The following GRIK3 variants were observed in gnomAD, a reference collection of about 807,000 sequenced individuals.
The protein encoded by GRIK3 is glutamate ionotropic receptor kainate type subunit 3.
Under a neutral mutation model 102.5 loss-of-function variants are expected in GRIK3, and 29 were observed. That is an observed-to-expected ratio of 0.28 (90% CI 0.21 to 0.39). The LOEUF (loss-of-function observed/expected upper bound fraction) is 0.39. Among genes scored for constraint, GRIK3 ranks in the 10% least tolerant of loss-of-function variants. The pLI is 1.00. For synonymous variants in GRIK3, 511 were observed against 504.9 expected, an observed-to-expected ratio of 1.01 and a Z score of -0.16; for missense variants, 908 against 1,252.4, an observed-to-expected ratio of 0.73 and a Z score of 4.15.
In GRIK3 at chr1:36,880,136, A is replaced by C. The variant is rs1462035200; in HGVS notation, c.550+498T>G. 6.6e-6 allele frequency among the ~76,000 whole-genome samples: 1 copy of C among 152,226 alleles called. No individual in the cohort carries two copies. The highest frequency in any genetic ancestry group is 2.4e-5 in the African/African-American group (1 of 41,454). The stretch of plus-strand genomic sequence containing the variant: ...TACATTTTATAGGAAACTGAGGCAC[A>C]AAGAGGCTACTCAGCCAGCAGGTGA... On this transcript the variant is annotated intron_variant, in intron 3 of 15. Transcript: ENST00000373091. The surrounding 1 kb of genome is among the most constrained non-coding windows in gnomAD (Gnocchi z 5.4).
chr1:36,874,291 T>C (rs114027188), intron 3 of GRIK3, among the ~76,000 whole-genome samples: 18 of 152,322 alleles, frequency 1.2e-4, no homozygotes, highest in African/African-American at 4.1e-4. Flanking sequence ...TTGGTGTCCA[T>C]CATCTCACTT....
chr1:36,942,452 G>A (rs1641733963), intron 1 of GRIK3, among the ~76,000 whole-genome samples: 1 of 152,220 alleles, frequency 6.6e-6, no homozygotes, highest in Non-Finnish European at 1.5e-5. Context: ...TTTCAGTGAA[G>A]TGTGAATACT....
At chr1:36,985,305 C>T (rs72923864) in intron 1 of GRIK3, among the ~76,000 whole-genome samples, 6,627 of 152,206 alleles carry the variant, frequency 0.044, 439 homozygotes, top group African/African-American at 0.14. Context: ...CAGGGTGGTC[C>T]TGGGTGTCCC....
In GRIK3 at chr1:36,850,535, G is replaced by GATC. The variant is rs1570759508; in HGVS notation, c.1213-114_1213-112dup. The GATC allele has an allele frequency of 8.7e-6, 6 of 687,940 alleles. No homozygotes were observed. Among genetic ancestry groups the GATC allele is most frequent in the East Asian group, 2.6e-5 (1 of 38,188 alleles). 42.6% of individuals were successfully genotyped at this position (687,940 alleles called of 1,614,324 possible). The stretch of plus-strand genomic sequence containing the variant: ...CATTCATCATGAGCCTCATTGTCAT[G>GATC]ATCATCATCATCATCACCACTGCCA... On this transcript the variant is annotated intron_variant, in intron 8 of 15. Coordinates refer to ENST00000373091, the MANE Select transcript of GRIK3 (RefSeq NM_000831.4). This position sits in a 1 kb window ranked among gnomAD's most constrained non-coding sequence, Gnocchi z 4.0.
At chr1:36,820,815 G>T (rs1400417224) in intron 11 of GRIK3, among the ~76,000 whole-genome samples, 1 of 152,154 alleles carries the variant, frequency 6.6e-6, no homozygotes, top group East Asian at 1.9e-4. Context: ...ATATATGACA[G>T]GGAAAAAATG....
At position 36,859,974 on chromosome 1, in the gene GRIK3, A is replaced by G; in HGVS notation, c.830T>C (p.Val277Ala). The G allele has an allele frequency of 6.2e-7, 1 of 1,612,174 alleles. No homozygotes were observed. The highest frequency in any genetic ancestry group is 1.1e-5 in the South Asian group (1 of 90,824). The change falls in exon 6 of 16, where the codon GTG (valine) becomes GCG (alanine). Residue 277 changes from valine (V) to alanine (A), a missense_variant. By Grantham distance (64) the Val-to-Ala change is moderately conservative. Transcript: ENST00000373091. Reference protein sequence around the residue: ...LDLEPYRYSGVNLTGFRILNV... With the variant: ...LDLEPYRYSGANLTGFRILNV... ...GAGAATCCGGAATCCTGTCAGGTTC[A>G]CGCCTGAGTAGCGGTAGGGCTCCAG...
intron 1 of GRIK3, among the ~76,000 whole-genome samples, chr1:37,001,599 T>G (rs1254106113): frequency 6.6e-6 from 1 of 152,070 alleles, no homozygotes; most frequent in Non-Finnish European, 1.5e-5. Context: ...TAGACTGAGT[T>G]ACTGTCTTAA....
At chr1:36,896,539 T>C (rs1641175045) in intron 1 of GRIK3, among the ~76,000 whole-genome samples, 1 of 151,998 alleles carries the variant, frequency 6.6e-6, no homozygotes, top group Non-Finnish European at 1.5e-5. Flanking sequence ...GGAAATGAAA[T>C]GATAAAATAT....
At chr1:36,922,504 C>A (rs1641484866) in intron 1 of GRIK3, among the ~76,000 whole-genome samples, 1 of 152,208 alleles carries the variant, frequency 6.6e-6, no homozygotes, top group African/African-American at 2.4e-5. Flanking sequence ...TACTGGCTGC[C>A]ACCCTTCCCC....
intron 1 of GRIK3, among the ~76,000 whole-genome samples, chr1:36,990,764 G>A (rs554829740): frequency 1.1e-4 from 16 of 152,286 alleles, no homozygotes; most frequent in Non-Finnish European, 1.8e-4. Flanking sequence ...GTTGCAAATC[G>A]CTGAGCCCAG....
chr1:36,919,599 T>C (rs1022755924), intron 1 of GRIK3, among the ~76,000 whole-genome samples: 2 of 152,150 alleles, frequency 1.3e-5, no homozygotes, highest in Non-Finnish European at 2.9e-5. Context: ...AGTCACACCC[T>C]GCCAGCCATC....
At position 36,825,683 on chromosome 1, in the gene GRIK3, G is replaced by A. The variant is rs115009791; in HGVS notation, c.1674C>T (p.Leu558=). The change falls in exon 11 of 16, where the codon CTC becomes CTT. Residue 558 remains leucine (L), a synonymous_variant. Transcript: ENST00000373091. The stretch of plus-strand genomic sequence containing the variant: ...TCCAGATGTCTGGGGACAGGGGATT[G>A]AGGAAGGAGAAGACGCTGGGGTTGG... The part of the protein sequence containing the change: ...NGTNPSVFSF[L]NPLSPDIWMY... 23 of 1,613,798 alleles carry A rather than the reference G, an allele frequency of 1.4e-5. No individual in the cohort carries two copies. The African/African-American group carries it at 2.1e-4, about 15-fold the overall frequency.
At chr1:36,916,310 A>C (rs1359213539) in intron 1 of GRIK3, among the ~76,000 whole-genome samples, 1 of 152,242 alleles carries the variant, frequency 6.6e-6, no homozygotes, top group Non-Finnish European at 1.5e-5. Context: ...AAAAGGAAAC[A>C]GAGTATAAAA....
At chr1:36,979,989 T>G (rs1164869477) in intron 1 of GRIK3, among the ~76,000 whole-genome samples, 1 of 152,210 alleles carries the variant, frequency 6.6e-6, no homozygotes, top group Non-Finnish European at 1.5e-5. Context: ...CCCTCTTGAG[T>G]GGCAACTCAG....
chr1:36,818,788 G>C (rs746448202), intron 12 of GRIK3, among the ~76,000 whole-genome samples: 1 of 152,220 alleles, frequency 6.6e-6, no homozygotes. Context: ...AGATGACTGA[G>C]GGACAAGGAC....
At chr1:36,874,489 C>G (rs549409918) in intron 3 of GRIK3, among the ~76,000 whole-genome samples, 1 of 152,120 alleles carries the variant, frequency 6.6e-6, no homozygotes, top group Non-Finnish European at 1.5e-5. Flanking sequence ...CTTCCTAATA[C>G]CAGACTTGAT....
At chr1:36,862,257 C>T (rs1179627878) in intron 5 of GRIK3, among the ~76,000 whole-genome samples, 2 of 152,110 alleles carry the variant, frequency 1.3e-5, no homozygotes, top group Non-Finnish European at 2.9e-5. Flanking sequence ...AGTATTTGTA[C>T]CATGGACATT....
At chr1:36,887,835 C>A (rs1163823209) in intron 2 of GRIK3, among the ~76,000 whole-genome samples, 1 of 147,854 alleles carries the variant, frequency 6.8e-6, no homozygotes, top group Non-Finnish European at 1.5e-5. Context: ...CAGAGATTCA[C>A]TATATATATA....
intron 9 of GRIK3, among the ~76,000 whole-genome samples, chr1:36,847,690 A>G (rs1208221446): frequency 2.0e-5 from 3 of 152,030 alleles, no homozygotes; most frequent in African/African-American, 7.3e-5. Flanking sequence ...AGTTATTAAC[A>G]CCTCCCTTTT....
Sources: allele counts gnomAD v4.1 joint callset (sites outside exome capture counted in the v4.1 genomes callset), GRCh38; gene constraint gnomAD v4.1.1; non-coding constraint Gnocchi (gnomAD v3.1); transcripts MANE v1.5; gene names NCBI Gene and HGNC (gene_info 2026-07-23, HGNC 2026-07-21).